The following XKR4 variants were observed in gnomAD, a reference collection of about 807,000 sequenced individuals.
The protein encoded by XKR4 is XK related 4, also known as XK-related protein 4.
XKR4 carries 12 observed loss-of-function variants against 53.9 expected under a neutral mutation model. The ratio of observed to expected loss-of-function variants is 0.22; its 90% CI spans 0.14 to 0.36. The LOEUF is 0.36. Ranked by LOEUF, XKR4 falls within the 10% of genes least tolerant of loss-of-function variation. XKR4 has a pLI of 1.00. For missense variants in XKR4, 799 were observed against 859.5 expected (o/e 0.93, Z 0.88); for synonymous variants, 354 against 362.4 (o/e 0.98, Z 0.26).
chr8:55,130,895 C>T (rs1314339414), intron 1 of XKR4, among the ~76,000 whole-genome samples: 3 of 152,100 alleles, frequency 2.0e-5, no homozygotes, highest in Non-Finnish European at 4.4e-5. Flanking sequence ...TGCGGTGGCT[C>T]ACGTCTGTAA....
At chr8:55,490,221 C>G (rs912492730) in intron 2 of XKR4, among the ~76,000 whole-genome samples, 1 of 152,058 alleles carries the variant, frequency 6.6e-6, no homozygotes, top group Non-Finnish European at 1.5e-5. Context: ...GGTACCTATA[C>G]CCATGGAATA....
At chr8:55,362,460 G>A (rs980928184) in intron 2 of XKR4, among the ~76,000 whole-genome samples, 2 of 152,096 alleles carry the variant, frequency 1.3e-5, no homozygotes, top group South Asian at 4.2e-4. Flanking sequence ...AAATCAAGCA[G>A]GTCAGCAGGA....
chr8:55,370,485 A>G (rs1190064903), intron 2 of XKR4, among the ~76,000 whole-genome samples: 2 of 152,234 alleles, frequency 1.3e-5, no homozygotes, highest in Non-Finnish European at 2.9e-5. Flanking sequence ...ACAAAATTGT[A>G]AGAGCAGCTT....
At chr8:55,401,459 C>G (rs1007713958) in intron 2 of XKR4, among the ~76,000 whole-genome samples, 7 of 152,246 alleles carry the variant, frequency 4.6e-5, no homozygotes, top group Admixed American at 2.6e-4. Context: ...GATGCAATCA[C>G]TCAATTTTCC....
chr8:55,230,248 G>GA (rs199757013), intron 1 of XKR4, among the ~76,000 whole-genome samples: 327 of 150,382 alleles, frequency 2.2e-3, no homozygotes, highest in Non-Finnish European at 3.9e-3. Context: ...AAAACAATTA[G>GA]AAAAAAAATC....
At chr8:55,463,445 A>G (rs1477203605) in intron 2 of XKR4, among the ~76,000 whole-genome samples, 1 of 151,520 alleles carries the variant, frequency 6.6e-6, no homozygotes, top group South Asian at 2.1e-4. Context: ...AAGACACAAC[A>G]TACCAGAATC....
chr8:55,250,844 G>C (rs1818352551), intron 1 of XKR4, among the ~76,000 whole-genome samples: 1 of 152,182 alleles, frequency 6.6e-6, no homozygotes, highest in African/African-American at 2.4e-5. Flanking sequence ...AATAATCAAT[G>C]ATTCTTTACC....
chr8:55,336,006 A>T (rs113041823), intron 1 of XKR4, among the ~76,000 whole-genome samples: 2 of 150,394 alleles, frequency 1.3e-5, no homozygotes, highest in African/African-American at 4.9e-5. Context: ...ACATGAATCC[A>T]CATATGTTAT....
chr8:55,501,648 C>G (rs1284541159), intron 2 of XKR4, among the ~76,000 whole-genome samples: 1 of 151,462 alleles, frequency 6.6e-6, no homozygotes, highest in African/African-American at 2.4e-5. Context: ...CTTTTTAAGA[C>G]TGAATAATTT....
rs1191713636 is a variant in XKR4, at chr8:55,533,122, A to T, written c.*8895A>T. The T allele has an allele frequency of 6.6e-6, 1 of 152,224 alleles. No individual in the cohort carries two copies. Among genetic ancestry groups the T allele is most frequent in the Non-Finnish European group, 1.5e-5 (1 of 68,042 alleles). 9.4% of individuals were successfully genotyped at this position (152,224 alleles called of 1,614,324 possible). A position where few individuals can be genotyped will look rare whatever the true frequency, so the allele number is the denominator to read the frequency against. On this transcript the variant is annotated 3_prime_UTR_variant, in exon 3 of 3. Transcript: ENST00000327381. Reference sequence around the variant, plus strand: ...ATATAGTTTGAGTTTCTATGATTGTAATCAAAATTCCTATTTTGATCGCAC... The same window carrying T: ...ATATAGTTTGAGTTTCTATGATTGTTATCAAAATTCCTATTTTGATCGCAC...
intron 2 of XKR4, among the ~76,000 whole-genome samples, chr8:55,362,731 A>G (rs1291106908): frequency 6.6e-6 from 1 of 152,198 alleles, no homozygotes; most frequent in African/African-American, 2.4e-5. Flanking sequence ...CATATTATGA[A>G]TAGTTTATTT....
chr8:55,326,708 C>T (rs1285864535), intron 1 of XKR4, among the ~76,000 whole-genome samples: 10 of 151,842 alleles, frequency 6.6e-5, no homozygotes, highest in Admixed American at 2.0e-4. Context: ...TTGGCTCAAG[C>T]GATCTGCTCA....
chr8:55,290,889 A>G (rs1460998701), intron 1 of XKR4, among the ~76,000 whole-genome samples: 2 of 152,108 alleles, frequency 1.3e-5, no homozygotes, highest in African/African-American at 2.4e-5. Context: ...TTTAATTTTT[A>G]TGTCACCTAA....
intron 1 of XKR4, among the ~76,000 whole-genome samples, chr8:55,303,534 C>T (rs1311318583): frequency 8.5e-5 from 13 of 152,172 alleles, no homozygotes; most frequent in African/African-American, 9.7e-5. Flanking sequence ...GGAGGATTCC[C>T]TCTTTTTCTA....
chr8:55,289,762 A>C (rs1818986349), intron 1 of XKR4, among the ~76,000 whole-genome samples: 1 of 149,984 alleles, frequency 6.7e-6, no homozygotes. Flanking sequence ...AAAGAAAGAG[A>C]GAAAGAAAGA....
At chr8:55,109,601 T>C (rs1816206211) in intron 1 of XKR4, among the ~76,000 whole-genome samples, 1 of 152,164 alleles carries the variant, frequency 6.6e-6, no homozygotes, top group African/African-American at 2.4e-5. Flanking sequence ...TGTATAAATC[T>C]CTGTGGTGGG....
chr8:55,399,760 C>T (rs1804572736), intron 2 of XKR4, among the ~76,000 whole-genome samples: 7 of 152,162 alleles, frequency 4.6e-5, no homozygotes, highest in Admixed American at 4.6e-4. Context: ...CTTTCTTCTA[C>T]ATAGGAGGGC....
intron 2 of XKR4, among the ~76,000 whole-genome samples, chr8:55,370,742 T>C (rs372489768): frequency 2.4e-4 from 37 of 152,234 alleles, no homozygotes; most frequent in African/African-American, 8.7e-4. Context: ...AGCTCCTCCC[T>C]GCCAGGAGCT....
Position 55,495,512 on chromosome 8 carries a change from G to A in XKR4, c.1007-27769G>A, listed in dbSNP as rs192068252. ...TGCCCCTCTCTACCCATTCCTCCGT[G>A]CCCTACCACATTGGCACGCAGCTCA... On this transcript the variant is annotated intron_variant, in intron 2 of 2. Transcript: ENST00000327381. 1.7e-4 allele frequency among the ~76,000 whole-genome samples: 26 copies of A among 152,332 alleles called. No individual in the cohort carries two copies. The East Asian group carries it at 5.0e-3, about 29-fold the overall frequency.
Sources: allele counts gnomAD v4.1 joint callset (sites outside exome capture counted in the v4.1 genomes callset), GRCh38; gene constraint gnomAD v4.1.1; transcripts MANE v1.5; gene names NCBI Gene and HGNC (gene_info 2026-07-23, HGNC 2026-07-21).